PIEZO2: variants seen among roughly 807,000 people sequenced by gnomAD.
PIEZO2 encodes the protein piezo-type mechanosensitive ion channel component 2.
Under a neutral mutation model 337.3 loss-of-function variants are expected in PIEZO2, and 172 were observed. That is an observed-to-expected ratio of 0.51 (90% CI 0.45 to 0.58). The LOEUF (loss-of-function observed/expected upper bound fraction) is 0.58, where lower values mean the gene tolerates loss of function less well. Ranked by LOEUF, PIEZO2 falls within the 20% of genes least tolerant of loss-of-function variation. PIEZO2 has a pLI of 0.00. For synonymous variants in PIEZO2, 1,251 were observed against 1,228.5 expected, an observed-to-expected ratio of 1.02 and a Z score of -0.38; for missense variants, 3,028 against 3,391.3, an observed-to-expected ratio of 0.89 and a Z score of 2.66.
intron 3 of PIEZO2, among the ~76,000 whole-genome samples, chr18:10,967,621 TA>T (rs1568249409): frequency 6.6e-6 from 1 of 152,138 alleles, no homozygotes; most frequent in African/African-American, 2.4e-5. Flanking sequence ...TATTTTTTTT[TA>T]TTATGGCCAT....
rs1057298085 is a variant in PIEZO2 at position 10,877,359 on chromosome 18, G to A, written c.330-5944C>T. On this transcript the variant is annotated intron_variant, in intron 4 of 55. Coordinates refer to ENST00000674853, the MANE Select transcript of PIEZO2 (RefSeq NM_001378183.1). This position sits in a 1 kb window ranked among gnomAD's most constrained non-coding sequence, Gnocchi z 5.3. ...AAATAGTGTTAGATTAAATTTTTAA[G>A]AAATGGTTTTAAGGGCAAATAATGT... Among the ~76,000 whole-genome samples, 1 of 152,180 alleles carries A rather than the reference G, an allele frequency of 6.6e-6. No individual in the cohort carries two copies. The highest frequency in any genetic ancestry group is 2.4e-5 in the African/African-American group (1 of 41,450).
At chr18:11,138,186 G>A (rs1188473722) in intron 1 of PIEZO2, among the ~76,000 whole-genome samples, 2 of 152,226 alleles carry the variant, frequency 1.3e-5, no homozygotes, top group East Asian at 3.8e-4. Context: ...GTGTTCCTGT[G>A]TGTTATAGTC....
rs2032762603 is a variant in PIEZO2 at position 10,942,166 on chromosome 18, A to C, written c.287-30938T>G. 6.6e-6 allele frequency among the ~76,000 whole-genome samples: 1 copy of C among 152,216 alleles called. No homozygotes were observed. The highest frequency in any genetic ancestry group is 6.5e-5 in the Admixed American group (1 of 15,288). The stretch of plus-strand genomic sequence containing the variant: ...CTGGAATGTCTTTCTCAGCAGCATG[A>C]AAATGAACTAATTCAGTAAATTGGT... On this transcript the variant is annotated intron_variant, in intron 3 of 55. Transcript: ENST00000674853. The surrounding 1 kb of genome is among the most constrained non-coding windows in gnomAD (Gnocchi z 4.4).
At chr18:10,804,631 G>A (rs2039936939) in intron 8 of PIEZO2, among the ~76,000 whole-genome samples, 1 of 152,042 alleles carries the variant, frequency 6.6e-6, no homozygotes, top group African/African-American at 2.4e-5. Flanking sequence ...CAGTGCACCA[G>A]AGTAGAACTC....
rs2040955969 is a variant in PIEZO2 at position 10,834,808 on chromosome 18, C to T, written c.917+20545G>A. Among the ~76,000 whole-genome samples, 1 of 152,216 alleles carries T rather than the reference C, an allele frequency of 6.6e-6. No individual in the cohort carries two copies. The highest frequency in any genetic ancestry group is 1.9e-4 in the East Asian group (1 of 5,192). ...GCTCTTCCTTTAAGTTTCTTCCCCG[C>T]TAGCTTTCACAAGAAACTCCAGTGC... On this transcript the variant is annotated intron_variant, in intron 7 of 55. Coordinates refer to ENST00000674853, the MANE Select transcript of PIEZO2 (RefSeq NM_001378183.1). The surrounding 1 kb of genome is among the most constrained non-coding windows in gnomAD (Gnocchi z 4.5).
intron 4 of PIEZO2, chr18:10,893,606 T>A (rs1194580244): frequency 2.0e-5 from 3 of 152,310 alleles, no homozygotes; most frequent in Admixed American, 1.3e-4. Context: ...GGGTGAGCAG[T>A]TCAGGATGAG....
chr18:11,074,527 A>C (rs2038461796), intron 1 of PIEZO2, among the ~76,000 whole-genome samples: 2 of 152,252 alleles, frequency 1.3e-5, no homozygotes, highest in African/African-American at 4.8e-5. Flanking sequence ...AAACTGAGAT[A>C]ACAAGTTATC....
At position 10,773,536 on chromosome 18, in the gene PIEZO2, A is replaced by G; in HGVS notation, c.2661T>C (p.Pro887=). The change falls in exon 20 of 56, where the codon CCT becomes CCC. Residue 887 remains proline, a synonymous_variant. Coordinates refer to ENST00000674853, the MANE Select transcript of PIEZO2 (RefSeq NM_001378183.1). The surrounding 1 kb of genome is among the most constrained non-coding windows in gnomAD (Gnocchi z 5.3). The stretch of plus-strand genomic sequence containing the variant: ...AGTAGCCCTCAAGCTTCTCCTCCCC[A>G]GGCTCAGCCAACTTCCTCACCTCCG... The part of the protein sequence containing the change: ...EKPEVRKLAE[P]GEEKLEGYSE... 6.5e-7 allele frequency: 1 copy of G among 1,537,320 alleles called. No homozygotes were observed. The highest frequency in any genetic ancestry group is 8.7e-7 in the Non-Finnish European group (1 of 1,146,948).
At chr18:10,971,999 G>C (rs2034255545) in intron 3 of PIEZO2, among the ~76,000 whole-genome samples, 1 of 151,926 alleles carries the variant, frequency 6.6e-6, no homozygotes, top group Admixed American at 6.6e-5. Flanking sequence ...GTAAGAATTA[G>C]ATAACAATGG....
Position 10,766,729 on chromosome 18 carries a change from C to G in PIEZO2, c.2946+3419G>C, listed in dbSNP as rs1205072904. ...CAGCAAGTGCTCACTGTGGACACCT[C>G]TAGCACAGCAGTTATTATCACTTTT... On this transcript the variant is annotated intron_variant, in intron 21 of 55. Transcript: ENST00000674853. This position sits in a 1 kb window ranked among gnomAD's most constrained non-coding sequence, Gnocchi z 6.1. Among the ~76,000 whole-genome samples the G allele has an allele frequency of 6.6e-6, 1 of 152,234 alleles. No individual in the cohort carries two copies. The highest frequency in any genetic ancestry group is 6.5e-5 in the Admixed American group (1 of 15,290).
At chr18:10,950,315 G>A (rs1392927784) in intron 3 of PIEZO2, among the ~76,000 whole-genome samples, 1 of 152,134 alleles carries the variant, frequency 6.6e-6, no homozygotes, top group East Asian at 1.9e-4. Flanking sequence ...TGCCAGGCAC[G>A]AGGCTTAAAG....
intron 3 of PIEZO2, among the ~76,000 whole-genome samples, chr18:10,963,771 C>T (rs2033887268): frequency 6.6e-6 from 1 of 152,180 alleles, no homozygotes; most frequent in Admixed American, 6.5e-5. Flanking sequence ...ATGAAGACGA[C>T]TGAGTATTTC....
intron 3 of PIEZO2, among the ~76,000 whole-genome samples, chr18:10,971,702 T>C (rs1384707144): frequency 6.6e-6 from 1 of 152,182 alleles, no homozygotes; most frequent in Non-Finnish European, 1.5e-5. Context: ...TTAGATTAAC[T>C]ATCCTCTCAC....
intron 1 of PIEZO2, among the ~76,000 whole-genome samples, chr18:11,137,789 C>T (rs940776078): frequency 1.3e-5 from 2 of 152,214 alleles, no homozygotes; most frequent in African/African-American, 4.8e-5. Context: ...CATCCTTCTT[C>T]CTTTTCTGCA....
rs990243172 is a variant in PIEZO2, at chr18:10,740,930, A to C, written c.4708+101T>G. On this transcript the variant is annotated intron_variant, in intron 33 of 55. Transcript: ENST00000674853. Reference sequence around the variant, plus strand: ...GACCCCCTATCAAGTCACAAGGATCAAACCATGCATGGAACACATGGGTCA... The same window carrying C: ...GACCCCCTATCAAGTCACAAGGATCCAACCATGCATGGAACACATGGGTCA... 13 of 1,233,770 alleles carry C rather than the reference A, an allele frequency of 1.1e-5. No individual in the cohort carries two copies. In the Admixed American group the frequency reaches 2.4e-4, roughly 23 times the overall value. The allele number at this position is 1,233,770 out of a possible 1,614,324, so 76.4% of individuals were successfully genotyped here. A position where few individuals can be genotyped will look rare whatever the true frequency, so the allele number is the denominator to read the frequency against.
chr18:10,905,159 C>T (rs1284760495), intron 4 of PIEZO2, among the ~76,000 whole-genome samples: 1 of 152,128 alleles, frequency 6.6e-6, no homozygotes, highest in African/African-American at 2.4e-5. Context: ...TATTTATGCA[C>T]ATACAGTCTG....
intron 47 of PIEZO2, 82 bp downstream of exon 47, chr18:10,695,992 C>T (rs994237023): frequency 9.3e-5 from 124 of 1,333,448 alleles, no homozygotes; most frequent in Non-Finnish European, 1.2e-4. Context: ...AGCAGTTCTG[C>T]TGTGCAATGC....
chr18:11,011,625 CTTTTA>C (rs1294874067), intron 2 of PIEZO2, among the ~76,000 whole-genome samples: 1 of 152,002 alleles, frequency 6.6e-6, no homozygotes, highest in Non-Finnish European at 1.5e-5. Context: ...TTACAATGCT[CTTTTA>C]TATCTATTTT....
chr18:10,719,115 G>C (rs547580057), intron 36 of PIEZO2, among the ~76,000 whole-genome samples: 19 of 151,974 alleles, frequency 1.3e-4, no homozygotes, highest in Non-Finnish European at 2.6e-4. Context: ...CTTATTTAAG[G>C]CTAAAAAGGT....
Sources: allele counts gnomAD v4.1 joint callset (sites outside exome capture counted in the v4.1 genomes callset), GRCh38; gene constraint gnomAD v4.1.1; non-coding constraint Gnocchi (gnomAD v3.1); transcripts MANE v1.5; gene names NCBI Gene and HGNC (gene_info 2026-07-23, HGNC 2026-07-21).